TENM2: variants seen among roughly 807,000 people sequenced by gnomAD.
TENM2 encodes the protein teneurin-2.
A neutral mutation model predicts 245.2 loss-of-function variants in TENM2; 52 were observed. The observed-to-expected ratio is 0.21, with a 90% confidence interval of 0.17 to 0.27. The LOEUF is 0.27. TENM2 is among the 10% of genes least tolerant of loss of function. TENM2 has a pLI of 1.00. For missense variants in TENM2, 3,046 were observed against 3,666.8 expected (o/e 0.83, Z 4.37); for synonymous variants, 1,363 against 1,438.9 (o/e 0.95, Z 1.19).
rs761098360 is a variant in TENM2, at chr5:168,244,518, T to C, written c.5619T>C (p.Tyr1873=). 6.2e-7 allele frequency: 1 copy of C among 1,612,352 alleles called. No individual in the cohort carries two copies. The highest frequency in any genetic ancestry group is 1.1e-5 in the South Asian group (1 of 90,662). The change falls in exon 26 of 29, where the codon TAT becomes TAC. Residue 1873 remains tyrosine, a synonymous_variant. Transcript: ENST00000518659. The surrounding 1 kb of genome is among the most constrained non-coding windows in gnomAD (Gnocchi z 4.9). ...GGAAGTTCACCCTGAGGATCATTTA[T>C]GACCAGGTGGGCCGCCCCTTCCTCT... is the stretch of plus-strand genomic sequence containing the variant.
intron 2 of TENM2, among the ~76,000 whole-genome samples, chr5:167,445,260 G>C (rs1483400753): frequency 6.7e-6 from 1 of 148,870 alleles, no homozygotes; most frequent in Non-Finnish European, 1.5e-5. Flanking sequence ...AATCATGTTT[G>C]TTCATTCCGA....
At chr5:167,335,224 G>T (rs374431147) in intron 1 of TENM2, among the ~76,000 whole-genome samples, 2 of 152,296 alleles carry the variant, frequency 1.3e-5, no homozygotes, top group East Asian at 3.9e-4. Flanking sequence ...CAGGAGCAAA[G>T]AGAGGGGAAG....
chr5:167,151,807 G>A, the TENM2 span, among the ~76,000 whole-genome samples: 5 of 152,262 alleles, frequency 3.3e-5, no homozygotes, highest in Admixed American at 6.5e-5. Flanking sequence ...GTGAGCCACC[G>A]CGCCTGGCCT....
At chr5:167,847,794 G>A (rs1166356259) in intron 2 of TENM2, among the ~76,000 whole-genome samples, 1 of 152,108 alleles carries the variant, frequency 6.6e-6, no homozygotes, top group African/African-American at 2.4e-5. Context: ...GTTTATTTGG[G>A]CCAAACATAT....
the TENM2 span, among the ~76,000 whole-genome samples, chr5:167,013,938 G>A: frequency 6.6e-6 from 1 of 152,102 alleles, no homozygotes; most frequent in South Asian, 2.1e-4. Context: ...TGAAACCATG[G>A]CAGGTTGGCA....
chr5:167,697,105 A>T (rs974636925), intron 2 of TENM2, among the ~76,000 whole-genome samples: 1 of 152,100 alleles, frequency 6.6e-6, no homozygotes, highest in Non-Finnish European at 1.5e-5. Context: ...TTAGATGCCA[A>T]TAGCACCACA....
At position 167,819,593 on chromosome 5, in the gene TENM2, A is replaced by G. The variant is rs563904497; in HGVS notation, c.503-56393A>G. On this transcript the variant is annotated intron_variant, in intron 2 of 28. Transcript: ENST00000518659. ...GACTCTCTAGCTAGACACTGGGGGA[A>G]TTTCATAGCCTTCTGATTACTCCTC... Among the ~76,000 whole-genome samples the G allele has an allele frequency of 2.6e-5, 4 of 152,248 alleles. No individual in the cohort carries two copies. The South Asian group carries it at 8.3e-4, about 32-fold the overall frequency.
At chr5:167,811,003 C>A (rs942238256) in intron 2 of TENM2, among the ~76,000 whole-genome samples, 2 of 152,098 alleles carry the variant, frequency 1.3e-5, no homozygotes, top group Non-Finnish European at 2.9e-5. Context: ...ATAGTGGCCA[C>A]ACAGAATGAA....
chr5:168,183,847 G>GA (rs141193664), intron 13 of TENM2, among the ~76,000 whole-genome samples: 44 of 147,594 alleles, frequency 3.0e-4, no homozygotes, highest in Admixed American at 6.1e-4. Flanking sequence ...AAAAGAAAAA[G>GA]AAAAAAAAAA....
At position 168,244,317 on chromosome 5, in the gene TENM2, G is replaced by C. The variant is rs973206034; in HGVS notation, c.5521-103G>C. 1.1e-6 allele frequency: 1 copy of C among 920,258 alleles called. No homozygotes were observed. Among genetic ancestry groups the C allele is most frequent in the African/African-American group, 1.7e-5 (1 of 58,456 alleles). The allele number at this position is 920,258 out of a possible 1,614,324, so 57.0% of individuals were successfully genotyped here. On this transcript the variant is annotated intron_variant, in intron 25 of 28. Transcript: ENST00000518659. This position sits in a 1 kb window ranked among gnomAD's most constrained non-coding sequence, Gnocchi z 4.9. ...AACTTTGGGGTTATTTCTTCCTCCAGTGAACACTTAAGCCCTGGCCATGCC... is the reference window on the plus strand; with the variant it reads ...AACTTTGGGGTTATTTCTTCCTCCACTGAACACTTAAGCCCTGGCCATGCC...
intron 12 of TENM2, among the ~76,000 whole-genome samples, chr5:168,147,872 G>A (rs1562216153): frequency 1.3e-5 from 2 of 152,170 alleles, no homozygotes; most frequent in African/African-American, 2.4e-5. Flanking sequence ...TAAAAGGTAC[G>A]TTCAGCAGAA....
At chr5:167,961,808 C>T (rs940952882) in intron 4 of TENM2, among the ~76,000 whole-genome samples, 2 of 152,168 alleles carry the variant, frequency 1.3e-5, no homozygotes, top group Non-Finnish European at 2.9e-5. Context: ...GGATGAAACA[C>T]TGGAAGTTCC....
chr5:168,070,643 T>C (rs1036889111), intron 7 of TENM2, among the ~76,000 whole-genome samples: 1 of 148,876 alleles, frequency 6.7e-6, no homozygotes, highest in Non-Finnish European at 1.5e-5. Flanking sequence ...AAATTAATTA[T>C]CCATGTATGG....
chr5:167,998,720 A>T (rs962869787), intron 5 of TENM2, among the ~76,000 whole-genome samples: 1 of 152,132 alleles, frequency 6.6e-6, no homozygotes, highest in Non-Finnish European at 1.5e-5. Flanking sequence ...GTCTTTTTTC[A>T]CTACAGTAAT....
At chr5:167,919,547 G>C (rs1345242967) in intron 3 of TENM2, among the ~76,000 whole-genome samples, 1 of 152,212 alleles carries the variant, frequency 6.6e-6, no homozygotes, top group Non-Finnish European at 1.5e-5. Context: ...TCTAAGTAAA[G>C]GAGAAGAGCT....
chr5:167,407,021 A>G (rs2127396466), intron 2 of TENM2, among the ~76,000 whole-genome samples: 1 of 152,332 alleles, frequency 6.6e-6, no homozygotes, highest in South Asian at 2.1e-4. Flanking sequence ...AACACACAGC[A>G]GCAATTGAGA....
At chr5:167,170,333 C>G in the TENM2 span, among the ~76,000 whole-genome samples, 2 of 152,162 alleles carry the variant, frequency 1.3e-5, no homozygotes, top group Non-Finnish European at 2.9e-5. Flanking sequence ...ATCTCAGATA[C>G]AGCAAAGCAA....
the TENM2 span, among the ~76,000 whole-genome samples, chr5:167,219,156 A>G: frequency 6.6e-6 from 1 of 152,132 alleles, no homozygotes; most frequent in African/African-American, 2.4e-5. Flanking sequence ...TTGGATATGC[A>G]GGGCATAGAG....
chr5:167,085,832 T>C, the TENM2 span, among the ~76,000 whole-genome samples: 1 of 152,212 alleles, frequency 6.6e-6, no homozygotes, highest in Non-Finnish European at 1.5e-5. Flanking sequence ...TTATTTAAGA[T>C]TGGACATGCC....
Sources: gnomAD v4.1 joint callset for allele counts (sites outside exome capture counted in the v4.1 genomes callset) on GRCh38, gnomAD v4.1.1 for gene constraint, Gnocchi (gnomAD v3.1) non-coding constraint, MANE v1.5 for transcripts, NCBI Gene and HGNC (gene_info 2026-07-23, HGNC 2026-07-21) for gene names.